PTPRD: variants seen among roughly 807,000 people sequenced by gnomAD.
PTPRD encodes protein tyrosine phosphatase receptor type D, also known as receptor-type tyrosine-protein phosphatase delta.
In PTPRD, 34 loss-of-function variants were observed where a neutral mutation model predicts 214.5. The ratio of observed to expected loss-of-function variants is 0.16; its 90% CI spans 0.12 to 0.21. The LOEUF (loss-of-function observed/expected upper bound fraction) is 0.21, where lower values mean the gene tolerates loss of function less well. Ranked by LOEUF, PTPRD falls within the 10% of genes least tolerant of loss-of-function variation. The pLI is 1.00. For missense variants in PTPRD, 2,545 were observed against 2,398.7 expected (o/e 1.06, Z -1.27); for synonymous variants, 1,128 against 845.7 (o/e 1.33, Z -5.79).
At chr9:9,098,130 G>A (rs532247518) in intron 10 of PTPRD, among the ~76,000 whole-genome samples, 37 of 152,166 alleles carry the variant, frequency 2.4e-4, no homozygotes, top group Admixed American at 5.2e-4. Context: ...CATTAACCAT[G>A]TATCACCTCA....
At chr9:9,256,312 A>G (rs1300069826) in intron 9 of PTPRD, among the ~76,000 whole-genome samples, 1 of 152,012 alleles carries the variant, frequency 6.6e-6, no homozygotes, top group Non-Finnish European at 1.5e-5. Flanking sequence ...GAAAATATAT[A>G]CAAATCACAT....
chr9:8,350,001 C>A (rs1355853650), intron 39 of PTPRD, among the ~76,000 whole-genome samples: 1 of 150,812 alleles, frequency 6.6e-6, no homozygotes, highest in Non-Finnish European at 1.5e-5. Context: ...AAAGACTATG[C>A]AATCCATTAA....
rs538011043 is a variant in PTPRD, at chr9:8,557,809, T to C, written c.353-29030A>G. Among the ~76,000 whole-genome samples, 1,099 of 110,182 alleles carry C rather than the reference T, an allele frequency of 1.0e-2. 9 individuals carry two copies. Among genetic ancestry groups the C allele is most frequent in the African/African-American group, 0.024 (607 of 25,326 alleles). 72.3% of individuals were successfully genotyped at this position (110,182 alleles called of 152,430 possible). On this transcript the variant is annotated intron_variant, in intron 14 of 45. Coordinates refer to ENST00000381196, the MANE Select transcript of PTPRD (RefSeq NM_002839.4). The stretch of plus-strand genomic sequence containing the variant: ...ACACACACACACACACACACACACA[T>C]ATATACACACACACATATGCATATA...
intron 11 of PTPRD, among the ~76,000 whole-genome samples, chr9:8,778,210 T>G (rs1599498480): frequency 6.6e-6 from 1 of 152,252 alleles, no homozygotes; most frequent in Non-Finnish European, 1.5e-5. Context: ...GGCTAGACAA[T>G]TTAAACTGAT....
intron 27 of PTPRD, among the ~76,000 whole-genome samples, chr9:8,486,996 A>T (rs894244632): frequency 1.3e-5 from 2 of 152,028 alleles, no homozygotes; most frequent in African/African-American, 2.4e-5. Flanking sequence ...TAAAAGTTTA[A>T]AAAAAAACCA....
chr9:9,523,764 C>T (rs1220285327), intron 8 of PTPRD, among the ~76,000 whole-genome samples: 1 of 152,174 alleles, frequency 6.6e-6, no homozygotes, highest in Non-Finnish European at 1.5e-5. Context: ...CTCTCTGACT[C>T]CTACTCTGCT....
intron 2 of PTPRD, among the ~76,000 whole-genome samples, chr9:10,468,356 C>A (rs1185151199): frequency 6.6e-6 from 1 of 152,028 alleles, no homozygotes; most frequent in Admixed American, 6.6e-5. Context: ...TGCAGAGACA[C>A]AGATCAAGCT....
intron 8 of PTPRD, among the ~76,000 whole-genome samples, chr9:9,423,655 G>A (rs2079689645): frequency 1.3e-5 from 2 of 152,108 alleles, no homozygotes; most frequent in African/African-American, 4.8e-5. Context: ...TGGCAACAGA[G>A]ATAACTGCAT....
chr9:9,820,922 C>T (rs1464472922), intron 5 of PTPRD, among the ~76,000 whole-genome samples: 1 of 152,104 alleles, frequency 6.6e-6, no homozygotes, highest in Non-Finnish European at 1.5e-5. Flanking sequence ...AATGTAATGC[C>T]TCTGTCCTTG....
intron 3 of PTPRD, among the ~76,000 whole-genome samples, chr9:10,094,166 G>A (rs2098460536): frequency 6.6e-6 from 1 of 151,272 alleles, no homozygotes; most frequent in South Asian, 2.1e-4. Flanking sequence ...CGCTGTCTTG[G>A]TTTTAATATT....
intron 5 of PTPRD, among the ~76,000 whole-genome samples, chr9:9,870,081 ATATCT>A (rs2065039377): frequency 6.6e-6 from 1 of 152,094 alleles, no homozygotes. Context: ...TCTTAACATG[ATATCT>A]TAGATTTGTT....
intron 5 of PTPRD, among the ~76,000 whole-genome samples, chr9:9,815,902 C>T (rs1012046721): frequency 2.6e-5 from 4 of 152,114 alleles, no homozygotes; most frequent in Non-Finnish European, 5.9e-5. Flanking sequence ...GTCCAAGATA[C>T]TAAGTGTTCT....
intron 32 of PTPRD, among the ~76,000 whole-genome samples, chr9:8,464,188 T>C (rs940404449): frequency 2.6e-5 from 4 of 151,960 alleles, no homozygotes; most frequent in African/African-American, 9.7e-5. Context: ...TCTTCTTTGC[T>C]AGATTCTCTG....
At chr9:9,575,717 C>CAAAAAAAAAAAAAAAAA (rs757614546) in intron 7 of PTPRD, among the ~76,000 whole-genome samples, 6 of 33,306 alleles carry the variant, frequency 1.8e-4, no homozygotes, top group Non-Finnish European at 2.6e-4. Context: ...AAGACTGTCT[C>CAAAAAAAAAAAAAAAAA]AAAAAAAAAA....
chr9:10,242,435 C>G (rs1234873126), intron 3 of PTPRD, among the ~76,000 whole-genome samples: 2 of 151,920 alleles, frequency 1.3e-5, no homozygotes, highest in Non-Finnish European at 2.9e-5. Context: ...AATCACTCAG[C>G]TCTCATAATA....
chr9:10,185,107 T>C (rs1263713089), intron 3 of PTPRD, among the ~76,000 whole-genome samples: 1 of 152,200 alleles, frequency 6.6e-6, no homozygotes, highest in Non-Finnish European at 1.5e-5. Flanking sequence ...ACCAGCTCTT[T>C]TGTAACACTA....
chr9:8,342,767 A>C (rs1853719509), intron 39 of PTPRD, among the ~76,000 whole-genome samples: 1 of 152,164 alleles, frequency 6.6e-6, no homozygotes, highest in South Asian at 2.1e-4. Context: ...GGGATACGAC[A>C]TAAAGATGAC....
chr9:8,907,654 T>A (rs1384388794), intron 11 of PTPRD, among the ~76,000 whole-genome samples: 1 of 150,102 alleles, frequency 6.7e-6, no homozygotes, highest in Non-Finnish European at 1.5e-5. Context: ...AATGGTACAA[T>A]AACAAAGATG....
intron 3 of PTPRD, among the ~76,000 whole-genome samples, chr9:10,278,894 C>T (rs1021438452): frequency 2.6e-5 from 4 of 152,082 alleles, no homozygotes; most frequent in South Asian, 4.1e-4. Context: ...CCTGCCTCAG[C>T]CTCCCGAGTA....
Sources: gnomAD v4.1 joint callset for allele counts (sites outside exome capture counted in the v4.1 genomes callset) on GRCh38, gnomAD v4.1.1 for gene constraint, MANE v1.5 for transcripts, NCBI Gene and HGNC (gene_info 2026-07-23, HGNC 2026-07-21) for gene names.